ARK2C: variants seen among roughly 807,000 people sequenced by gnomAD.
ARK2C encodes the protein arkadia (RNF111) C-terminal like ring finger ubiquitin ligase 2C.
At chr18:46,455,978 G>A in the ARK2C span, 2 of 1,608,264 alleles carry the variant, frequency 1.2e-6, no homozygotes, top group Non-Finnish European at 1.7e-6. Flanking sequence ...TCATAGCGAA[G>A]ACCCCAGGAT....
the ARK2C span, among the ~76,000 whole-genome samples, chr18:46,444,755 G>C: frequency 6.6e-6 from 1 of 151,946 alleles, no homozygotes; most frequent in Non-Finnish European, 1.5e-5. Context: ...TTAGAGGCAT[G>C]AGCCACTGTG....
chr18:46,445,954 G>C, the ARK2C span, among the ~76,000 whole-genome samples: 1 of 147,984 alleles, frequency 6.8e-6, no homozygotes, highest in African/African-American at 2.5e-5. Flanking sequence ...TGTTTTTCCT[G>C]TAGTTTCCCC....
chr18:46,393,136 C>G, the ARK2C span, among the ~76,000 whole-genome samples: 2 of 152,196 alleles, frequency 1.3e-5, no homozygotes, highest in Non-Finnish European at 2.9e-5. Context: ...CAGACTTTTT[C>G]TGATCAGATT....
the ARK2C span, among the ~76,000 whole-genome samples, chr18:46,353,797 C>A: frequency 3.3e-4 from 51 of 152,308 alleles, 1 homozygote; most frequent in Non-Finnish European, 5.6e-4. Context: ...TAACCAGATA[C>A]AGACAGCCCA....
the ARK2C span, among the ~76,000 whole-genome samples, chr18:46,384,614 G>A: frequency 2.0e-5 from 3 of 152,226 alleles, no homozygotes; most frequent in East Asian, 5.8e-4. Context: ...CAGATTCCCT[G>A]GAGAAGCAGC....
chr18:46,450,651 A>C, the ARK2C span: 9 of 1,364,584 alleles, frequency 6.6e-6, no homozygotes, highest in Non-Finnish European at 8.4e-6. Context: ...TCCTGTGTGC[A>C]TGTGGGCATT....
At chr18:46,424,202 G>A in the ARK2C span, among the ~76,000 whole-genome samples, 144,762 of 152,320 alleles carry the variant, frequency 0.95, 69,244 homozygotes, top group East Asian at 1. Flanking sequence ...TCTGCCCAGG[G>A]TAGTCAGGGT....
chr18:46,369,795 T>G, the ARK2C span, among the ~76,000 whole-genome samples: 216 of 152,316 alleles, frequency 1.4e-3, no homozygotes, highest in Non-Finnish European at 2.7e-3. Context: ...AGACTTTGCA[T>G]GCGCATTTCA....
chr18:46,355,960 T>A, the ARK2C span, among the ~76,000 whole-genome samples: 1 of 152,162 alleles, frequency 6.6e-6, no homozygotes, highest in Admixed American at 6.5e-5. Flanking sequence ...GGCGGAGGCA[T>A]GGCTGAGGGA....
chr18:46,391,447 C>T, the ARK2C span, among the ~76,000 whole-genome samples: 3 of 152,130 alleles, frequency 2.0e-5, no homozygotes, highest in African/African-American at 4.8e-5. Context: ...AAGGACACTA[C>T]GGTTGTGGTT....
At chr18:46,349,557 C>T in the ARK2C span, among the ~76,000 whole-genome samples, 2 of 152,212 alleles carry the variant, frequency 1.3e-5, no homozygotes, top group South Asian at 4.1e-4. Flanking sequence ...GGGAGGTCAG[C>T]GGTGAGCTGG....
chr18:46,456,759 T>A, the ARK2C span: 3 of 747,194 alleles, frequency 4.0e-6, no homozygotes, highest in Non-Finnish European at 7.2e-6. Flanking sequence ...AAGCACATTT[T>A]GTGGAAAGAG....
chr18:46,414,698 A>T, the ARK2C span, among the ~76,000 whole-genome samples: 1 of 152,186 alleles, frequency 6.6e-6, no homozygotes, highest in African/African-American at 2.4e-5. Flanking sequence ...ACATGCACAT[A>T]CACACAGCCT....
the ARK2C span, among the ~76,000 whole-genome samples, chr18:46,442,861 G>A: frequency 6.6e-6 from 1 of 152,134 alleles, no homozygotes; most frequent in Non-Finnish European, 1.5e-5. Flanking sequence ...CATTTTTCAA[G>A]ATGAATTGAC....
the ARK2C span, chr18:46,386,458 T>A: frequency 6.6e-6 from 1 of 151,134 alleles, no homozygotes; most frequent in Non-Finnish European, 1.5e-5. Flanking sequence ...TTAATATCAA[T>A]TTTTTTTTCC....
At chr18:46,386,273 T>G in the ARK2C span, 1 of 152,256 alleles carries the variant, frequency 6.6e-6, no homozygotes, top group Non-Finnish European at 1.5e-5. Flanking sequence ...ACCCTTCTAC[T>G]CTTTAATCAT....
chr18:46,432,677 G>A, the ARK2C span, among the ~76,000 whole-genome samples: 1 of 152,206 alleles, frequency 6.6e-6, no homozygotes, highest in Non-Finnish European at 1.5e-5. Flanking sequence ...CACTTCCCCG[G>A]CCAGGCGCGG....
At chr18:46,378,328 T>G in the ARK2C span, among the ~76,000 whole-genome samples, 2 of 152,158 alleles carry the variant, frequency 1.3e-5, no homozygotes, top group Non-Finnish European at 2.9e-5. Flanking sequence ...CGAGGCTGGG[T>G]GGCTGCTGAA....
the ARK2C span, among the ~76,000 whole-genome samples, chr18:46,383,478 C>G: frequency 6.6e-6 from 1 of 150,418 alleles, no homozygotes; most frequent in East Asian, 1.9e-4. Flanking sequence ...TCTAGCAGGA[C>G]AGTAAAACCA....
Sources: gnomAD v4.1 joint callset for allele counts (sites outside exome capture counted in the v4.1 genomes callset) on GRCh38, gnomAD v4.1.1 for gene constraint, MANE v1.5 for transcripts, NCBI Gene and HGNC (gene_info 2026-07-23, HGNC 2026-07-21) for gene names.